The following ZNF385B variants were observed in gnomAD, a reference collection of about 807,000 sequenced individuals.
ZNF385B encodes the protein zinc finger protein 533.
A neutral mutation model predicts 39.2 loss-of-function variants in ZNF385B; 23 were observed. The observed-to-expected ratio is 0.59, with a 90% CI of 0.42 to 0.83. ZNF385B has a LOEUF of 0.83. Ranked by LOEUF, ZNF385B falls within the 40% of genes least tolerant of loss-of-function variation. The pLI is 0.00. For missense variants in ZNF385B, 552 were observed against 598.9 expected (o/e 0.92, Z 0.82); for synonymous variants, 205 against 222.6 (o/e 0.92, Z 0.70).
chr2:179,722,250 A>T (rs1208893604), intron 3 of ZNF385B, among the ~76,000 whole-genome samples: 1 of 152,126 alleles, frequency 6.6e-6, no homozygotes, highest in Admixed American at 6.5e-5. Flanking sequence ...AGATAAAAAG[A>T]CTCAACATTT....
chr2:179,614,710 C>A (rs376097744), intron 3 of ZNF385B, among the ~76,000 whole-genome samples: 1 of 152,130 alleles, frequency 6.6e-6, no homozygotes, highest in Non-Finnish European at 1.5e-5. Context: ...AAGGTCAACC[C>A]TACTCTTAAA....
intron 3 of ZNF385B, among the ~76,000 whole-genome samples, chr2:179,655,197 A>G (rs1377551659): frequency 2.6e-5 from 4 of 152,116 alleles, no homozygotes; most frequent in African/African-American, 9.7e-5. Flanking sequence ...TCAAAATCCT[A>G]TATTTTCTGT....
At chr2:179,520,692 C>T (rs2058423080) in intron 4 of ZNF385B, among the ~76,000 whole-genome samples, 1 of 152,138 alleles carries the variant, frequency 6.6e-6, no homozygotes, top group South Asian at 2.1e-4. Flanking sequence ...AAAACAAGAG[C>T]ATTTTATTGA....
chr2:179,471,956 G>C (rs1373295049), intron 6 of ZNF385B, among the ~76,000 whole-genome samples: 2 of 152,046 alleles, frequency 1.3e-5, no homozygotes, highest in Non-Finnish European at 2.9e-5. Context: ...AATTCCCCTA[G>C]TACTAATAAT....
At chr2:179,444,553 T>G (rs1381900481) in intron 9 of ZNF385B, among the ~76,000 whole-genome samples, 2 of 152,218 alleles carry the variant, frequency 1.3e-5, no homozygotes, top group African/African-American at 4.8e-5. Context: ...AATCCCTCTT[T>G]CCAGGTTCAG....
At chr2:179,563,051 T>C (rs1187077806) in intron 3 of ZNF385B, among the ~76,000 whole-genome samples, 1 of 152,214 alleles carries the variant, frequency 6.6e-6, no homozygotes, top group East Asian at 1.9e-4. Flanking sequence ...AAGATTCATA[T>C]AGTTCAAAAA....
chr2:179,541,291 CATGAAGCATAT>C (rs2059905027), intron 4 of ZNF385B, among the ~76,000 whole-genome samples: 1 of 152,130 alleles, frequency 6.6e-6, no homozygotes, highest in African/African-American at 2.4e-5. Flanking sequence ...AAAAGAACAC[CATGAAGCATAT>C]TTCTTCATCA....
chr2:179,802,351 TG>T (rs1706088149), intron 1 of ZNF385B, among the ~76,000 whole-genome samples: 1 of 152,134 alleles, frequency 6.6e-6, no homozygotes, highest in African/African-American at 2.4e-5. Flanking sequence ...AAGCCCCTTC[TG>T]TTAATGTCTC....
intron 1 of ZNF385B, among the ~76,000 whole-genome samples, chr2:179,859,420 T>C (rs531758815): frequency 1.3e-5 from 2 of 152,348 alleles, no homozygotes; most frequent in Admixed American, 6.5e-5. Context: ...TCATTACTTA[T>C]GTAATGTAAA....
intron 3 of ZNF385B, among the ~76,000 whole-genome samples, chr2:179,638,937 G>A (rs938776049): frequency 1.3e-5 from 2 of 152,032 alleles, no homozygotes; most frequent in East Asian, 3.9e-4. Flanking sequence ...ATTGGGAAAT[G>A]GTCAGGGTCA....
chr2:179,835,773 G>A lies in ZNF385B; in HGVS notation c.-155+25328C>T, dbSNP rs189610625. Among the ~76,000 whole-genome samples the A allele has an allele frequency of 1.8e-4, 28 of 152,106 alleles. No homozygotes were observed. The East Asian group carries it at 3.1e-3, about 17-fold the overall frequency. On this transcript the variant is annotated intron_variant, in intron 1 of 9. Transcript: ENST00000410066. ...AGACCCTTCATATCATGTGGGTCCT[G>A]GCTGGGGTGTCACTCTCTTGGCAGG...
At chr2:179,755,096 G>C (rs1314549278) in intron 3 of ZNF385B, among the ~76,000 whole-genome samples, 1 of 152,158 alleles carries the variant, frequency 6.6e-6, no homozygotes, top group Admixed American at 6.5e-5. Flanking sequence ...TCTACACACT[G>C]CTTTAAATGT....
At chr2:179,747,904 T>C (rs1702473401) in intron 3 of ZNF385B, among the ~76,000 whole-genome samples, 1 of 152,166 alleles carries the variant, frequency 6.6e-6, no homozygotes, top group Non-Finnish European at 1.5e-5. Flanking sequence ...CTCATTGGGA[T>C]AAATAAATGC....
chr2:179,664,775 T>C (rs890997244), intron 3 of ZNF385B, among the ~76,000 whole-genome samples: 2 of 152,198 alleles, frequency 1.3e-5, no homozygotes, highest in African/African-American at 2.4e-5. Flanking sequence ...TGTAAAAATA[T>C]ACATATCATA....
intron 3 of ZNF385B, among the ~76,000 whole-genome samples, chr2:179,646,255 A>G (rs990601278): frequency 6.6e-6 from 1 of 152,180 alleles, no homozygotes; most frequent in Non-Finnish European, 1.5e-5. Context: ...TCTCTACTAA[A>G]AGTACAAAAA....
chr2:179,778,308 C>A (rs917792452), intron 1 of ZNF385B, among the ~76,000 whole-genome samples: 4 of 152,166 alleles, frequency 2.6e-5, no homozygotes, highest in Non-Finnish European at 5.9e-5. Context: ...AAAACCTGGG[C>A]AAGGGCAGAT....
rs1467386140 is a variant in ZNF385B, at chr2:179,708,222, G to A, written c.298+61281C>T. The stretch of plus-strand genomic sequence containing the variant: ...TGGTAGGAGGTGATTGGATCACAGG[G>A]GTGGTTTCCCCCACGCTGTTCTCTT... On this transcript the variant is annotated intron_variant, in intron 3 of 9. Transcript: ENST00000410066. Among the ~76,000 whole-genome samples, 7 of 152,272 alleles carry A rather than the reference G, an allele frequency of 4.6e-5. No individual in the cohort carries two copies. In the East Asian group the frequency reaches 1.4e-3, roughly 29 times the overall value.
chr2:179,701,615 G>A (rs939072400), intron 3 of ZNF385B, among the ~76,000 whole-genome samples: 3 of 152,124 alleles, frequency 2.0e-5, no homozygotes, highest in Non-Finnish European at 2.9e-5. Context: ...TTTTCCACAC[G>A]TGAGTTATTT....
intron 1 of ZNF385B, among the ~76,000 whole-genome samples, chr2:179,791,551 G>T (rs1014670022): frequency 6.6e-6 from 1 of 152,110 alleles, no homozygotes; most frequent in Non-Finnish European, 1.5e-5. Context: ...ATAAACCAAG[G>T]CCAGGCTAGT....
Sources: allele counts gnomAD v4.1 joint callset (sites outside exome capture counted in the v4.1 genomes callset), GRCh38; gene constraint gnomAD v4.1.1; transcripts MANE v1.5; gene names NCBI Gene and HGNC (gene_info 2026-07-23, HGNC 2026-07-21).